The following SLC35D4 variants were observed in gnomAD, a reference collection of about 807,000 sequenced individuals.
The protein encoded by SLC35D4 is UDP-N-acetylglucosamine transporter SLC35D4.
chr18:23,437,769 C>T, the SLC35D4 span: 1 of 1,608,810 alleles, frequency 6.2e-7, no homozygotes, highest in Non-Finnish European at 8.5e-7. Flanking sequence ...CCTCCCGCGC[C>T]CGCCCCCTCA....
At chr18:23,344,758 C>T in the SLC35D4 span, among the ~76,000 whole-genome samples, 15 of 151,994 alleles carry the variant, frequency 9.9e-5, no homozygotes, top group South Asian at 1.3e-3. Context: ...CCCGCCACCA[C>T]GCCTGGCTAA....
chr18:23,437,914 C>T, the SLC35D4 span: 48,700 of 1,545,116 alleles, frequency 0.032, 939 homozygotes, highest in Non-Finnish European at 0.036. Context: ...GGCCGCCGCC[C>T]GACCCCCGCA....
chr18:23,430,515 C>G, the SLC35D4 span: 1 of 790,006 alleles, frequency 1.3e-6, no homozygotes, highest in East Asian at 2.7e-5. Flanking sequence ...GGCTAAATAT[C>G]TTACAATATG....
the SLC35D4 span, among the ~76,000 whole-genome samples, chr18:23,361,874 A>G: frequency 6.6e-6 from 1 of 152,218 alleles, no homozygotes; most frequent in Non-Finnish European, 1.5e-5. Flanking sequence ...ACATTTTCTT[A>G]TTGAGATATA....
the SLC35D4 span, chr18:23,297,481 G>C: frequency 1.3e-5 from 2 of 151,926 alleles, no homozygotes; most frequent in African/African-American, 4.8e-5. Flanking sequence ...TCGCACCACT[G>C]TGCTTCAGCC....
the SLC35D4 span, among the ~76,000 whole-genome samples, chr18:23,248,255 G>C: frequency 2.0e-5 from 3 of 152,220 alleles, no homozygotes; most frequent in Non-Finnish European, 4.4e-5. Flanking sequence ...ATGGGGATCA[G>C]AAGCTCTTTC....
At chr18:23,282,645 C>T in the SLC35D4 span, among the ~76,000 whole-genome samples, 1 of 152,202 alleles carries the variant, frequency 6.6e-6, no homozygotes, top group African/African-American at 2.4e-5. Flanking sequence ...AGCTTGTCTC[C>T]TCTGGTTTGT....
the SLC35D4 span, chr18:23,371,285 G>T: frequency 3.3e-6 from 2 of 614,228 alleles, no homozygotes; most frequent in Non-Finnish European, 5.4e-6. Context: ...TGTAGAGATG[G>T]GGTTTCTCAA....
At chr18:23,415,106 T>TAATAAATATTA in the SLC35D4 span, among the ~76,000 whole-genome samples, 3 of 152,174 alleles carry the variant, frequency 2.0e-5, no homozygotes, top group African/African-American at 7.2e-5. Context: ...AGCAAGACTC[T>TAATAAATATTA]GTCTCTAAAT....
the SLC35D4 span, among the ~76,000 whole-genome samples, chr18:23,353,538 T>C: frequency 6.6e-6 from 1 of 152,164 alleles, no homozygotes; most frequent in Non-Finnish European, 1.5e-5. Context: ...TTCACTTCAT[T>C]AGATTAGACT....
At chr18:23,253,011 G>A in the SLC35D4 span, 26 of 1,613,762 alleles carry the variant, frequency 1.6e-5, no homozygotes, top group East Asian at 2.2e-5. Flanking sequence ...GGACATGAAC[G>A]AGACCTTCAA....
At chr18:23,379,587 C>T in the SLC35D4 span, among the ~76,000 whole-genome samples, 4 of 152,158 alleles carry the variant, frequency 2.6e-5, no homozygotes, top group Non-Finnish European at 5.9e-5. Flanking sequence ...AGGCCCCTTC[C>T]ATGGAGGGGA....
chr18:23,368,640 C>G, the SLC35D4 span: 2 of 1,000,200 alleles, frequency 2.0e-6, no homozygotes, highest in African/African-American at 3.3e-5. Context: ...CAGAACTCTT[C>G]AATCAAAATA....
chr18:23,346,627 GA>G, the SLC35D4 span, among the ~76,000 whole-genome samples: 1 of 151,974 alleles, frequency 6.6e-6, no homozygotes, highest in African/African-American at 2.4e-5. Context: ...ATCTTAGGGG[GA>G]AAGTATTCAG....
the SLC35D4 span, among the ~76,000 whole-genome samples, chr18:23,384,626 G>T: frequency 6.6e-6 from 1 of 152,210 alleles, no homozygotes. Flanking sequence ...TTTCCCTGGG[G>T]TGGGCTAGTG....
chr18:23,319,390 C>T, the SLC35D4 span, among the ~76,000 whole-genome samples: 3 of 151,862 alleles, frequency 2.0e-5, no homozygotes, highest in Admixed American at 2.0e-4. Flanking sequence ...CCTGCCTCAG[C>T]CTCCCGAGTA....
the SLC35D4 span, among the ~76,000 whole-genome samples, chr18:23,345,884 A>C: frequency 6.6e-6 from 1 of 152,282 alleles, no homozygotes; most frequent in East Asian, 1.9e-4. Flanking sequence ...CTTCTTTGTT[A>C]AGTTCCAAAG....
chr18:23,346,319 A>G, the SLC35D4 span, among the ~76,000 whole-genome samples: 1 of 152,072 alleles, frequency 6.6e-6, no homozygotes, highest in Non-Finnish European at 1.5e-5. Flanking sequence ...TTTTTTGTAG[A>G]GACAGGATCT....
the SLC35D4 span, among the ~76,000 whole-genome samples, chr18:23,429,009 A>C: frequency 6.6e-6 from 1 of 152,336 alleles, no homozygotes; most frequent in Non-Finnish European, 1.5e-5. Flanking sequence ...GCTGCTGCTA[A>C]GGACATAATT....
Sources: gnomAD v4.1 joint callset for allele counts (sites outside exome capture counted in the v4.1 genomes callset) on GRCh38, gnomAD v4.1.1 for gene constraint, MANE v1.5 for transcripts, NCBI Gene and HGNC (gene_info 2026-07-23, HGNC 2026-07-21) for gene names.